The following PRKG1 variants were observed in gnomAD, a reference collection of about 807,000 sequenced individuals.
PRKG1 encodes cGMP-dependent protein kinase 1.
PRKG1 carries 35 observed loss-of-function variants against 88.1 expected under a neutral mutation model. The ratio of observed to expected loss-of-function variants is 0.40; its 90% CI spans 0.30 to 0.53. The LOEUF is 0.53. Ranked by LOEUF, PRKG1 falls within the 20% of genes least tolerant of loss-of-function variation. The pLI is 0.59. For missense variants in PRKG1, 540 were observed against 839.8 expected, an observed-to-expected ratio of 0.64 and a Z score of 4.41; for synonymous variants, 303 against 292.5, an observed-to-expected ratio of 1.04 and a Z score of -0.37.
At chr10:51,827,545 T>C (rs10999662) in intron 4 of PRKG1, among the ~76,000 whole-genome samples, 31,878 of 151,972 alleles carry the variant, frequency 0.21, 5,378 homozygotes, top group African/African-American at 0.47. Flanking sequence ...CCAAACTGGG[T>C]TTATTAACTC....
intron 2 of PRKG1, among the ~76,000 whole-genome samples, chr10:51,431,259 T>C (rs572060166): frequency 7.9e-5 from 12 of 152,128 alleles, no homozygotes; most frequent in Non-Finnish European, 1.3e-4. Context: ...ATCCTTGTAA[T>C]TGAATAAAGA....
intron 4 of PRKG1, among the ~76,000 whole-genome samples, chr10:51,859,212 G>A (rs2132829011): frequency 6.6e-6 from 1 of 152,258 alleles, no homozygotes; most frequent in Non-Finnish European, 1.5e-5. Context: ...CCCTGAAGTG[G>A]GCTCCCTTCA....
intron 4 of PRKG1, among the ~76,000 whole-genome samples, chr10:51,887,055 C>T (rs1841588362): frequency 6.6e-6 from 1 of 152,140 alleles, no homozygotes; most frequent in Non-Finnish European, 1.5e-5. Flanking sequence ...GGTGCATCTC[C>T]ACTCACTGCA....
intron 4 of PRKG1, among the ~76,000 whole-genome samples, chr10:51,854,476 G>A (rs1380938814): frequency 5.9e-5 from 9 of 152,022 alleles, no homozygotes; most frequent in Admixed American, 5.9e-4. Context: ...GAAATAACCG[G>A]TATTTTAGTC....
At chr10:51,124,377 G>A (rs1454501434) in intron 1 of PRKG1, among the ~76,000 whole-genome samples, 1 of 152,142 alleles carries the variant, frequency 6.6e-6, no homozygotes, top group East Asian at 1.9e-4. Context: ...GTGTGGGGGT[G>A]TGGAGTGGGA....
intron 3 of PRKG1, chr10:51,699,274 A>G (rs1841398203): frequency 6.2e-7 from 1 of 1,613,966 alleles, no homozygotes; most frequent in African/African-American, 1.3e-5. Context: ...TTTCACTGGC[A>G]GCATTGTCCA....
At chr10:51,447,111 T>C (rs550301294) in intron 2 of PRKG1, among the ~76,000 whole-genome samples, 31 of 152,168 alleles carry the variant, frequency 2.0e-4, no homozygotes, top group Admixed American at 3.3e-4. Context: ...ACATCACCTA[T>C]AGCCAAACAC....
At chr10:51,628,965 CAAAA>C in intron 3 of PRKG1, among the ~76,000 whole-genome samples, 2 of 98,472 alleles carry the variant, frequency 2.0e-5, no homozygotes, top group African/African-American at 6.7e-5. Flanking sequence ...GACTCCGTCT[CAAAA>C]AAAAAAAAAA....
intron 5 of PRKG1, among the ~76,000 whole-genome samples, chr10:51,913,385 G>A (rs918108424): frequency 6.6e-6 from 1 of 152,164 alleles, no homozygotes; most frequent in Non-Finnish European, 1.5e-5. Flanking sequence ...TCCTCTAGTA[G>A]TTCACAGTGT....
At chr10:51,735,824 C>A (rs1011633686) in intron 3 of PRKG1, among the ~76,000 whole-genome samples, 3 of 143,420 alleles carry the variant, frequency 2.1e-5, no homozygotes, top group Non-Finnish European at 4.5e-5. Flanking sequence ...GGTTGTGTAA[C>A]CCATGGATAT....
intron 7 of PRKG1, chr10:52,128,231 C>G: frequency 1.0e-6 from 1 of 985,416 alleles, no homozygotes; most frequent in Non-Finnish European, 1.2e-6. Flanking sequence ...TGAAGGCTGG[C>G]ACTGAGAGAG....
chr10:51,151,322 G>A (rs1846066909), intron 1 of PRKG1, among the ~76,000 whole-genome samples: 1 of 151,954 alleles, frequency 6.6e-6, no homozygotes, highest in South Asian at 2.1e-4. Flanking sequence ...TAATTATAAG[G>A]AGGGGTGAAG....
chr10:51,638,455 T>C (rs1839713328), intron 3 of PRKG1, among the ~76,000 whole-genome samples: 1 of 152,228 alleles, frequency 6.6e-6, no homozygotes, highest in African/African-American at 2.4e-5. Context: ...ATTATAAATA[T>C]TCAATATTTG....
At chr10:52,277,002 T>G (rs1841888197) in intron 12 of PRKG1, among the ~76,000 whole-genome samples, 1 of 152,172 alleles carries the variant, frequency 6.6e-6, no homozygotes, top group South Asian at 2.1e-4. Flanking sequence ...AATATATTTA[T>G]ATGTGAAAGA....
At chr10:51,832,082 G>C (rs1465089071) in intron 4 of PRKG1, among the ~76,000 whole-genome samples, 1 of 152,082 alleles carries the variant, frequency 6.6e-6, no homozygotes, top group Admixed American at 6.6e-5. Flanking sequence ...TTTTTCAGTT[G>C]TTTAAAAATA....
chr10:51,925,384 A>G (rs991849173), intron 5 of PRKG1, among the ~76,000 whole-genome samples: 1 of 152,086 alleles, frequency 6.6e-6, no homozygotes, highest in Non-Finnish European at 1.5e-5. Flanking sequence ...ATATTGTTAT[A>G]CAGGAGCACT....
intron 1 of PRKG1, among the ~76,000 whole-genome samples, chr10:51,113,846 G>A (rs1845038068): frequency 6.6e-6 from 1 of 151,604 alleles, no homozygotes; most frequent in Non-Finnish European, 1.5e-5. Flanking sequence ...TGTAGTAGCA[G>A]TTGGCGTTGC....
chr10:51,034,668 T>TTATATA (rs1554831108), intron 1 of PRKG1, among the ~76,000 whole-genome samples: 740 of 67,998 alleles, frequency 0.011, 13 homozygotes, highest in Non-Finnish European at 0.013. Context: ...AATATGTTAT[T>TTATATA]TATATATATA....
At chr10:51,637,455 A>T (rs1418202389) in intron 3 of PRKG1, among the ~76,000 whole-genome samples, 1 of 152,260 alleles carries the variant, frequency 6.6e-6, no homozygotes, top group Non-Finnish European at 1.5e-5. Context: ...TCTATTATAA[A>T]GATACGCATA....
Sources: allele counts gnomAD v4.1 joint callset (sites outside exome capture counted in the v4.1 genomes callset), GRCh38; gene constraint gnomAD v4.1.1; transcripts MANE v1.5; gene names NCBI Gene and HGNC (gene_info 2026-07-23, HGNC 2026-07-21).